ARID3B: variants seen among roughly 807,000 people sequenced by gnomAD.
ARID3B encodes AT-rich interaction domain 3B.
ARID3B carries 10 observed loss-of-function variants against 51.9 expected under a neutral mutation model. That is an observed-to-expected ratio of 0.19 (90% CI 0.12 to 0.33). The LOEUF (loss-of-function observed/expected upper bound fraction) is 0.33. Ranked by LOEUF, ARID3B falls within the 10% of genes least tolerant of loss-of-function variation. The probability of loss-of-function intolerance (pLI) is 1.00; values close to 1 mark genes in which losing one functional copy is unlikely to be tolerated. For synonymous variants in ARID3B, 205 were observed against 279.5 expected (o/e 0.73, Z 2.66); for missense variants, 483 against 716.3 (o/e 0.67, Z 3.72).
intron 2 of ARID3B, among the ~76,000 whole-genome samples, chr15:74,545,290 T>C (rs1039669822): frequency 6.6e-6 from 1 of 152,234 alleles, no homozygotes; most frequent in South Asian, 2.1e-4. Flanking sequence ...CAAAGAGCCT[T>C]GTAGACATGA....
At chr15:74,595,532 G>C in intron 8 of ARID3B, 79 bp from the exon 9 acceptor site, 1 of 1,508,208 alleles carries the variant, frequency 6.6e-7, no homozygotes, top group Non-Finnish European at 9.0e-7. Context: ...CTAGGCCAGC[G>C]GTGAATACTT....
chr15:74,547,165 C>T (rs1486569624), intron 2 of ARID3B, among the ~76,000 whole-genome samples: 2 of 150,950 alleles, frequency 1.3e-5, no homozygotes, highest in Non-Finnish European at 3.0e-5. Flanking sequence ...CCCCGCCTTC[C>T]CCCTCCCCCG....
chr15:74,561,951 C>G (rs1348953414), intron 2 of ARID3B, among the ~76,000 whole-genome samples: 1 of 151,048 alleles, frequency 6.6e-6, no homozygotes, highest in Non-Finnish European at 1.5e-5. Flanking sequence ...AATGATTTTG[C>G]CTAATTGTAG....
chr15:74,554,298 C>T (rs1307495769), intron 2 of ARID3B, among the ~76,000 whole-genome samples: 3 of 147,692 alleles, frequency 2.0e-5, no homozygotes. Flanking sequence ...CATGAGCCAC[C>T]ATGCCCAGCC....
rs573623190 is a variant in ARID3B, at chr15:74,544,576, C to T, written c.552+88C>T. On this transcript the variant is annotated intron_variant, in intron 2 of 8. Coordinates refer to ENST00000346246, the MANE Select transcript of ARID3B (RefSeq NM_006465.4). ...TGACAGGGTCAGGGGCTGTGCCAGT[C>T]TGTGCCTTCTCACCCCACTTCGGTG... 3.6e-6 allele frequency: 5 copies of T among 1,398,908 alleles called. No homozygotes were observed. The South Asian group carries it at 5.5e-5, about 15-fold the overall frequency. 86.7% of individuals were successfully genotyped at this position (1,398,908 alleles called of 1,614,324 possible). A position where few individuals can be genotyped will look rare whatever the true frequency, so the allele number is the denominator to read the frequency against.
At chr15:74,570,322 G>C (rs144557270) in intron 2 of ARID3B, among the ~76,000 whole-genome samples, 1 of 152,068 alleles carries the variant, frequency 6.6e-6, no homozygotes, top group Non-Finnish European at 1.5e-5. Flanking sequence ...TCACACTAGC[G>C]TGCTTGTTTT....
rs2061824712 is a variant in ARID3B, at chr15:74,596,182, C to T, written c.*408C>T. On this transcript the variant is annotated 3_prime_UTR_variant, in exon 9 of 9. Transcript: ENST00000346246. ...CTGCCTTCTGCCATGACCCCAGGGC[C>T]ACTAGTCTCTTCCCCTGTTTTTAAG... The T allele has an allele frequency of 4.0e-6, 1 of 247,700 alleles. No individual in the cohort carries two copies. The highest frequency in any genetic ancestry group is 7.8e-6 in the Non-Finnish European group (1 of 128,000). The allele number at this position is 247,700 out of a possible 1,614,324, so 15.3% of individuals were successfully genotyped here. A position where few individuals can be genotyped will look rare whatever the true frequency, so the allele number is the denominator to read the frequency against.
intron 2 of ARID3B, among the ~76,000 whole-genome samples, chr15:74,572,392 A>G (rs926297473): frequency 2.6e-5 from 4 of 152,208 alleles, no homozygotes; most frequent in Admixed American, 6.5e-5. Context: ...TAAGAGACCA[A>G]CTTCAGGATG....
chr15:74,586,769 C>T (rs1334470105), intron 4 of ARID3B, among the ~76,000 whole-genome samples: 1 of 152,210 alleles, frequency 6.6e-6, no homozygotes, highest in Non-Finnish European at 1.5e-5. Context: ...GAAAGACAAC[C>T]CCTGCCTTCA....
At chr15:74,546,437 A>G (rs972650509) in intron 2 of ARID3B, among the ~76,000 whole-genome samples, 3 of 152,246 alleles carry the variant, frequency 2.0e-5, no homozygotes, top group Admixed American at 1.3e-4. Flanking sequence ...TGCGAGGAAC[A>G]AGTGGAGCTC....
Position 74,597,352 on chromosome 15 carries a change from G to T in ARID3B, c.*1578G>T. ...GTGGGAGACACCGCGCGTGGCGTGG[G>T]TGTGTGTGGCAGCGTGGCTCGCATT... is the stretch of plus-strand genomic sequence containing the variant. On this transcript the variant is annotated 3_prime_UTR_variant, in exon 9 of 9. Coordinates refer to ENST00000346246, the MANE Select transcript of ARID3B (RefSeq NM_006465.4). 1 of 424,042 alleles carries T rather than the reference G, an allele frequency of 2.4e-6. No homozygotes were observed. Among genetic ancestry groups the T allele is most frequent in the Non-Finnish European group, 4.5e-6 (1 of 224,552 alleles). 26.3% of individuals were successfully genotyped at this position (424,042 alleles called of 1,614,324 possible).
At chr15:74,573,536 C>T (rs2061726683) in intron 4 of ARID3B, 1 of 329,348 alleles carries the variant, frequency 3.0e-6, no homozygotes, top group African/African-American at 2.1e-5. Flanking sequence ...CTTAATCTAG[C>T]ATGTGGGCCT....
chr15:74,554,404 G>T (rs1318718201), intron 2 of ARID3B, among the ~76,000 whole-genome samples: 1 of 152,136 alleles, frequency 6.6e-6, no homozygotes. Context: ...CCGGGCTCAA[G>T]CAGCCCTCCC....
Position 74,573,146 on chromosome 15 carries a change from C to T in ARID3B, c.639C>T (p.Asp213=), listed in dbSNP as rs201179649. ...SRDFAKLYEL[D]GDPERKEFLD... ...TGGGATTGCAGCTGTATGAACTGGA[C>T]GGTGATCCTGAAAGGAAAGAGTTCC... Residue 213 remains aspartate (D), a synonymous_variant, in exon 4 of 9, where the codon GAC becomes GAT. Transcript: ENST00000346246. The T allele has an allele frequency of 1.4e-5, 23 of 1,613,824 alleles. No individual in the cohort carries two copies. The highest frequency in any genetic ancestry group is 2.2e-5 in the East Asian group (1 of 44,886).
intron 2 of ARID3B, among the ~76,000 whole-genome samples, chr15:74,569,648 A>C (rs1323470231): frequency 6.6e-6 from 1 of 152,234 alleles, no homozygotes; most frequent in African/African-American, 2.4e-5. Flanking sequence ...CCAGCTGGTC[A>C]GTGCTTTCTA....
chr15:74,541,811 T>C (rs1282531855), intron 1 of ARID3B, among the ~76,000 whole-genome samples: 2 of 151,342 alleles, frequency 1.3e-5, no homozygotes, highest in Non-Finnish European at 2.9e-5. Flanking sequence ...CTGCAGGTAG[T>C]CCGTTGTACC....
In ARID3B at chr15:74,591,893, G is replaced by T; in HGVS notation, c.1420+79G>T. On this transcript the variant is annotated intron_variant, in intron 7 of 8. Coordinates refer to ENST00000346246, the MANE Select transcript of ARID3B (RefSeq NM_006465.4). This position sits in a 1 kb window ranked among gnomAD's most constrained non-coding sequence, Gnocchi z 5.8. Reference sequence around the variant, plus strand: ...ACGCCTCCTGGGACTGGTGGGGCAGGGGTGGTGAGGCACATACTCCTGACC... The same window carrying T: ...ACGCCTCCTGGGACTGGTGGGGCAGTGGTGGTGAGGCACATACTCCTGACC... The T allele has an allele frequency of 1.3e-6, 2 of 1,556,228 alleles. No homozygotes were observed. Among genetic ancestry groups the T allele is most frequent in the South Asian group, 1.2e-5 (1 of 81,600 alleles).
intron 2 of ARID3B, among the ~76,000 whole-genome samples, chr15:74,566,687 T>C (rs2061700101): frequency 6.6e-6 from 1 of 152,164 alleles, no homozygotes; most frequent in Admixed American, 6.5e-5. Flanking sequence ...GCAGCCTGGT[T>C]CCAAATCTTC....
rs937613490 is a variant in ARID3B, at chr15:74,597,385, G to C, written c.*1611G>C. On this transcript the variant is annotated 3_prime_UTR_variant, in exon 9 of 9. Transcript: ENST00000346246. The stretch of plus-strand genomic sequence containing the variant: ...GGCAGCGTGGCTCGCATTCAGTCCT[G>C]TGTAGGAGAGGAAAGGGAATCAAAA... The C allele has an allele frequency of 4.5e-6, 2 of 446,236 alleles. No homozygotes were observed. Among genetic ancestry groups the C allele is most frequent in the Non-Finnish European group, 8.5e-6 (2 of 234,960 alleles). The allele number at this position is 446,236 out of a possible 1,614,324, so 27.6% of individuals were successfully genotyped here.
Sources: allele counts gnomAD v4.1 joint callset (sites outside exome capture counted in the v4.1 genomes callset), GRCh38; gene constraint gnomAD v4.1.1; non-coding constraint Gnocchi (gnomAD v3.1); transcripts MANE v1.5; gene names NCBI Gene and HGNC (gene_info 2026-07-23, HGNC 2026-07-21).